The following RIMS2 variants were observed in gnomAD, a reference collection of about 807,000 sequenced individuals.
RIMS2 encodes the protein regulating synaptic membrane exocytosis protein 2.
A neutral mutation model predicts 174.4 loss-of-function variants in RIMS2; 59 were observed. The observed-to-expected ratio is 0.34, with a 90% CI of 0.27 to 0.42. The LOEUF (loss-of-function observed/expected upper bound fraction) is 0.42. RIMS2 is among the 10% of genes least tolerant of loss of function. The probability of loss-of-function intolerance (pLI) is 1.00; values close to 1 mark genes in which losing one functional copy is unlikely to be tolerated. For missense variants in RIMS2, 1,620 were observed against 1,666.3 expected (o/e 0.97, Z 0.48); for synonymous variants, 606 against 572.5 (o/e 1.06, Z -0.84).
At chr8:103,819,122 C>G in intron 3 of RIMS2, 2 of 706,242 alleles carry the variant, frequency 2.8e-6, no homozygotes, top group Non-Finnish European at 3.5e-6. Context: ...TGCTGGCAGC[C>G]AGATGTGCTA....
chr8:103,722,032 A>C (rs1171126333), intron 2 of RIMS2, among the ~76,000 whole-genome samples: 1 of 152,028 alleles, frequency 6.6e-6, no homozygotes, highest in Non-Finnish European at 1.5e-5. Context: ...GAATTTGGAG[A>C]GCTTTCAGGA....
intron 3 of RIMS2, among the ~76,000 whole-genome samples, chr8:103,842,807 A>C (rs2098948051): frequency 6.6e-6 from 1 of 152,204 alleles, no homozygotes; most frequent in South Asian, 2.1e-4. Context: ...GTGTACCATA[A>C]ACTGGGTGGC....
chr8:104,170,718 CT>C (rs1309565368), intron 19 of RIMS2, among the ~76,000 whole-genome samples: 6 of 151,578 alleles, frequency 4.0e-5, no homozygotes, highest in African/African-American at 4.8e-5. Flanking sequence ...TACCTAGATA[CT>C]TTTTTTTCAA....
intron 3 of RIMS2, among the ~76,000 whole-genome samples, chr8:103,861,653 C>T (rs1184168181): frequency 2.6e-5 from 4 of 152,010 alleles, no homozygotes; most frequent in Non-Finnish European, 5.9e-5. Context: ...TGTTTTTTGA[C>T]TTTTTAATTA....
chr8:103,539,372 A>C (rs555004794), intron 1 of RIMS2, among the ~76,000 whole-genome samples: 1 of 152,224 alleles, frequency 6.6e-6, no homozygotes, highest in Admixed American at 6.5e-5. Context: ...ACACACAAAA[A>C]CAAGTATAGA....
At chr8:103,606,689 A>G (rs972132492) in intron 1 of RIMS2, among the ~76,000 whole-genome samples, 2 of 151,968 alleles carry the variant, frequency 1.3e-5, no homozygotes, top group African/African-American at 4.8e-5. Context: ...GTGCTCCTAT[A>G]TTGGGTGCAT....
In RIMS2 at chr8:103,585,446, G is replaced by A. The variant is rs138141867; in HGVS notation, c.176+84384G>A. Among the ~76,000 whole-genome samples, 19 of 152,130 alleles carry A rather than the reference G, an allele frequency of 1.2e-4. No homozygotes were observed. In the East Asian group the frequency reaches 3.1e-3, roughly 25 times the overall value. On this transcript the variant is annotated intron_variant, in intron 1 of 23. Transcript: ENST00000504942. ...ACACATGCACACATATGTTTATTGC[G>A]GCACTATTTACAATAGCAAAGACTT...
At chr8:103,683,592 CTCTT>C (rs1358533596) in intron 1 of RIMS2, among the ~76,000 whole-genome samples, 5 of 152,160 alleles carry the variant, frequency 3.3e-5, no homozygotes, top group South Asian at 2.1e-4. Context: ...AACAATATTG[CTCTT>C]TCTATTTTTT....
intron 1 of RIMS2, among the ~76,000 whole-genome samples, chr8:103,598,840 C>T (rs1455275923): frequency 6.6e-6 from 1 of 152,000 alleles, no homozygotes; most frequent in Non-Finnish European, 1.5e-5. Context: ...CCTGGCTTTG[C>T]TGACAGGTAG....
At chr8:103,759,341 G>A (rs533660409) in intron 2 of RIMS2, among the ~76,000 whole-genome samples, 189 of 152,004 alleles carry the variant, frequency 1.2e-3, no homozygotes, top group South Asian at 0.012. Context: ...CGAGGCAGGC[G>A]GATCACGAGG....
chr8:103,911,960 C>T (rs959432992), intron 5 of RIMS2, 93 bp from the exon 9 acceptor site: 10 of 960,752 alleles, frequency 1.0e-5, no homozygotes, highest in South Asian at 5.9e-5. Context: ...TTAGAGAGGT[C>T]GTACAATCAG....
At chr8:103,725,980 A>G (rs2097523503) in intron 2 of RIMS2, among the ~76,000 whole-genome samples, 2 of 152,076 alleles carry the variant, frequency 1.3e-5, no homozygotes, top group Admixed American at 6.6e-5. Context: ...GTCTGCTTCA[A>G]TCTTGTGCCT....
In RIMS2 at chr8:104,107,026, G is replaced by GA. The variant is rs999594994; in HGVS notation, c.3334+92421dup. On this transcript the variant is annotated intron_variant, in intron 19 of 23. Transcript: ENST00000504942. ...AATCTAATCTTCAGGATACAAAAGT[G>GA]AAAAAAAAAATCCAAGAACACCTGG... Among the ~76,000 whole-genome samples the GA allele has an allele frequency of 2.8e-4, 42 of 148,498 alleles. 1 individual carries two copies. The highest frequency in any genetic ancestry group is 4.7e-4 in the Admixed American group (7 of 14,918).
chr8:103,581,643 G>A (rs1289712231), intron 1 of RIMS2, among the ~76,000 whole-genome samples: 1 of 152,102 alleles, frequency 6.6e-6, no homozygotes, highest in East Asian at 1.9e-4. Flanking sequence ...AGCAAGAGAA[G>A]GAAATTAAGG....
chr8:103,664,889 C>G (rs994559016), intron 1 of RIMS2, among the ~76,000 whole-genome samples: 1 of 152,094 alleles, frequency 6.6e-6, no homozygotes, highest in Non-Finnish European at 1.5e-5. Context: ...ATGTCCATCA[C>G]TGATAGACTG....
rs548638169 is a variant in RIMS2 at position 103,774,581 on chromosome 8, A to G, written c.698+8044A>G. Among the ~76,000 whole-genome samples, 490 of 152,332 alleles carry G rather than the reference A, an allele frequency of 3.2e-3. 4 individuals carry two copies. Among genetic ancestry groups the G allele is most frequent in the Non-Finnish European group, 3.5e-3 (240 of 68,018 alleles). On this transcript the variant is annotated intron_variant, in intron 3 of 23. Coordinates refer to ENST00000504942, the Ensembl canonical transcript of RIMS2. The stretch of plus-strand genomic sequence containing the variant: ...TTGTGATGAATGGAAGAAGCTTGGC[A>G]CAAAAGAGTACATAAGATATAATTC...
chr8:103,942,810 A>G (rs1167840778), exon 14 of RIMS2: 11 of 1,612,872 alleles, frequency 6.8e-6, no homozygotes, highest in Non-Finnish European at 9.3e-6. Context: ...TTAGATGATG[A>G]GCCACATTGG....
chr8:103,945,586 C>T (rs1437156670), intron 14 of RIMS2, among the ~76,000 whole-genome samples: 2 of 151,978 alleles, frequency 1.3e-5, no homozygotes, highest in African/African-American at 2.4e-5. Context: ...AAAGATTATA[C>T]ACCATAACCA....
At chr8:103,513,984 T>C (rs990022739) in intron 1 of RIMS2, among the ~76,000 whole-genome samples, 3 of 152,170 alleles carry the variant, frequency 2.0e-5, no homozygotes, top group Non-Finnish European at 4.4e-5. Flanking sequence ...ATATAACTCT[T>C]TTGTTTAACG....
Sources: gnomAD v4.1 joint callset for allele counts (sites outside exome capture counted in the v4.1 genomes callset) on GRCh38, gnomAD v4.1.1 for gene constraint, MANE v1.5 for transcripts, NCBI Gene and HGNC (gene_info 2026-07-23, HGNC 2026-07-21) for gene names.